The following PDE7B variants were observed in gnomAD, a reference collection of about 807,000 sequenced individuals.
PDE7B encodes 3',5'-cyclic-AMP phosphodiesterase 7B.
Under a neutral mutation model 56.2 loss-of-function variants are expected in PDE7B, and 29 were observed. The observed-to-expected ratio is 0.52, with a 90% CI of 0.38 to 0.70. PDE7B has a LOEUF of 0.70. PDE7B is among the 30% of genes least tolerant of loss of function. The probability of loss-of-function intolerance (pLI) is 0.00; values close to 1 mark genes in which losing one functional copy is unlikely to be tolerated. For synonymous variants in PDE7B, 197 were observed against 196.9 expected, an observed-to-expected ratio of 1.00 and a Z score of 0.00; for missense variants, 490 against 565.0, an observed-to-expected ratio of 0.87 and a Z score of 1.35.
chr6:136,143,392 T>C (rs778424346), intron 3 of PDE7B, among the ~76,000 whole-genome samples: 6 of 151,734 alleles, frequency 4.0e-5, no homozygotes, highest in Non-Finnish European at 8.8e-5. Flanking sequence ...CAAGACAGGC[T>C]AGAGTCAGGG....
intron 2 of PDE7B, chr6:135,993,041 C>T (rs1465159533): frequency 6.6e-6 from 1 of 152,196 alleles, no homozygotes; most frequent in Non-Finnish European, 1.5e-5. Context: ...CTCCTATCAT[C>T]ACGCCCAGTT....
chr6:135,984,303 G>GT (rs200525452), intron 2 of PDE7B, among the ~76,000 whole-genome samples: 2,782 of 151,840 alleles, frequency 0.018, 101 homozygotes, highest in African/African-American at 0.062. Context: ...TTTTTTGTTT[G>GT]TTTTTTTTGT....
chr6:136,099,868 T>C (rs1777532464), intron 2 of PDE7B, among the ~76,000 whole-genome samples: 1 of 152,242 alleles, frequency 6.6e-6, no homozygotes, highest in Admixed American at 6.5e-5. Context: ...TCCTAAATGG[T>C]ATTGCCTAGG....
chr6:136,062,484 A>C (rs1440001608), intron 2 of PDE7B, among the ~76,000 whole-genome samples: 1 of 152,176 alleles, frequency 6.6e-6, no homozygotes, highest in Non-Finnish European at 1.5e-5. Flanking sequence ...GACATAATGC[A>C]TTATTATTAA....
chr6:136,016,506 C>G (rs1289431455), intron 2 of PDE7B, among the ~76,000 whole-genome samples: 21 of 152,216 alleles, frequency 1.4e-4, no homozygotes, highest in Admixed American at 1.4e-3. Flanking sequence ...CTCACTTTAT[C>G]CTCGCTACAA....
chr6:136,072,084 T>C (rs1323599293), intron 2 of PDE7B, among the ~76,000 whole-genome samples: 1 of 152,246 alleles, frequency 6.6e-6, no homozygotes, highest in Non-Finnish European at 1.5e-5. Context: ...TTAACATTTT[T>C]TTCATTCAGT....
At position 136,192,138 on chromosome 6, in the gene PDE7B, C is replaced by T. The variant is rs1049273987; in HGVS notation, c.*298C>T. On this transcript the variant is annotated 3_prime_UTR_variant, in exon 13 of 13. Coordinates refer to ENST00000308191, the MANE Select transcript of PDE7B (RefSeq NM_018945.4). ...AGACTAGGAGGAAGAATGAGGTGCTCCTGCCGTGTCCGCCTTGTTCCGGGT... is the reference window on the plus strand; with the variant it reads ...AGACTAGGAGGAAGAATGAGGTGCTTCTGCCGTGTCCGCCTTGTTCCGGGT... 22 of 422,206 alleles carry T rather than the reference C, an allele frequency of 5.2e-5. No individual in the cohort carries two copies. Among genetic ancestry groups the T allele is most frequent in the Non-Finnish European group, 5.7e-5 (13 of 228,180 alleles). 26.2% of individuals were successfully genotyped at this position (422,206 alleles called of 1,614,324 possible). A position where few individuals can be genotyped will look rare whatever the true frequency, so the allele number is the denominator to read the frequency against.
chr6:136,161,739 C>T (rs868664330), intron 8 of PDE7B, among the ~76,000 whole-genome samples: 4 of 152,166 alleles, frequency 2.6e-5, no homozygotes, highest in African/African-American at 9.7e-5. Context: ...TTTCTTTTAA[C>T]AGTTCTTTTA....
intron 2 of PDE7B, among the ~76,000 whole-genome samples, chr6:136,026,644 G>A (rs1776156371): frequency 6.6e-6 from 1 of 152,176 alleles, no homozygotes; most frequent in Non-Finnish European, 1.5e-5. Flanking sequence ...CCCTTCTAAA[G>A]CCTGATAGTA....
At chr6:135,882,090 G>T (rs893936195) in intron 1 of PDE7B, among the ~76,000 whole-genome samples, 2 of 152,070 alleles carry the variant, frequency 1.3e-5, no homozygotes, top group African/African-American at 4.8e-5. Context: ...AAGTTATTAG[G>T]CTTGGGATGA....
At chr6:135,904,312 G>A (rs1458410999) in intron 1 of PDE7B, among the ~76,000 whole-genome samples, 1 of 152,194 alleles carries the variant, frequency 6.6e-6, no homozygotes, top group Non-Finnish European at 1.5e-5. Flanking sequence ...TTATTAGCCT[G>A]ATGGCAGCTT....
chr6:136,104,924 T>G (rs1777623896), intron 2 of PDE7B, among the ~76,000 whole-genome samples: 1 of 152,136 alleles, frequency 6.6e-6, no homozygotes, highest in Admixed American at 6.5e-5. Flanking sequence ...CCAGGTATGG[T>G]TTCCTTATTT....
At chr6:136,161,054 C>A (rs981675904) in intron 8 of PDE7B, among the ~76,000 whole-genome samples, 4 of 152,180 alleles carry the variant, frequency 2.6e-5, no homozygotes, top group Non-Finnish European at 5.9e-5. Flanking sequence ...GCTCTTCCTT[C>A]TGCCTATTTG....
chr6:136,155,560 G>A, intron 7 of PDE7B, 67 bp from the exon 8 acceptor site: 7 of 1,395,026 alleles, frequency 5.0e-6, no homozygotes, highest in Non-Finnish European at 6.9e-6. Context: ...GTTTGATTTA[G>A]CCAAAATGAT....
chr6:136,005,601 A>T (rs1479232183), intron 2 of PDE7B, among the ~76,000 whole-genome samples: 1 of 152,266 alleles, frequency 6.6e-6, no homozygotes. Flanking sequence ...AACACATGAA[A>T]AAATGCTCAC....
At chr6:135,871,290 A>G (rs1446644184) in intron 1 of PDE7B, among the ~76,000 whole-genome samples, 2 of 152,228 alleles carry the variant, frequency 1.3e-5, no homozygotes, top group East Asian at 3.8e-4. Flanking sequence ...GAATGTTTCC[A>G]TGGACACTGT....
At chr6:135,874,180 A>G (rs1775445729) in intron 1 of PDE7B, among the ~76,000 whole-genome samples, 1 of 152,184 alleles carries the variant, frequency 6.6e-6, no homozygotes, top group African/African-American at 2.4e-5. Flanking sequence ...TGTTCACAGC[A>G]GAGGACACAG....
At chr6:135,964,415 AT>A (rs1313778292) in intron 2 of PDE7B, among the ~76,000 whole-genome samples, 3 of 152,038 alleles carry the variant, frequency 2.0e-5, no homozygotes, top group Non-Finnish European at 4.4e-5. Flanking sequence ...CTCTGGGTTC[AT>A]TTTTAAAGTA....
At chr6:135,907,865 T>C (rs140326206) in intron 1 of PDE7B, among the ~76,000 whole-genome samples, 297 of 152,228 alleles carry the variant, frequency 2.0e-3, no homozygotes, top group Middle Eastern at 6.8e-3. Context: ...TATTCATTCC[T>C]CCTATAGGGA....
Sources: allele counts gnomAD v4.1 joint callset (sites outside exome capture counted in the v4.1 genomes callset), GRCh38; gene constraint gnomAD v4.1.1; transcripts MANE v1.5; gene names NCBI Gene and HGNC (gene_info 2026-07-23, HGNC 2026-07-21).